Variants in VPS41 observed in about 807,000 individuals in gnomAD.
VPS41 encodes VPS41 subunit of HOPS complex.
VPS41 carries 85 observed loss-of-function variants against 130.9 expected under a neutral mutation model. That is an observed-to-expected ratio of 0.65 (90% CI 0.55 to 0.78). The LOEUF is 0.78. Ranked by LOEUF, VPS41 falls within the 30% of genes least tolerant of loss-of-function variation. The probability of loss-of-function intolerance (pLI) is 0.00; values close to 1 mark genes in which losing one functional copy is unlikely to be tolerated. For synonymous variants in VPS41, 335 were observed against 332.9 expected (o/e 1.01, Z -0.07); for missense variants, 874 against 1,018.7 (o/e 0.86, Z 1.93).
chr7:38,775,815 T>G (rs1445726394), intron 11 of VPS41: 1 of 150,982 alleles, frequency 6.6e-6, no homozygotes, highest in Non-Finnish European at 1.5e-5. Flanking sequence ...CCCATTTTAT[T>G]TCTTGCCATT....
At chr7:38,906,267 C>T (rs906038010) in intron 1 of VPS41, among the ~76,000 whole-genome samples, 1 of 151,614 alleles carries the variant, frequency 6.6e-6, no homozygotes, top group Non-Finnish European at 1.5e-5. Context: ...TACTTACTTT[C>T]TTTTAAAAAA....
intron 18 of VPS41, 108 bp from the exon 19 acceptor site, chr7:38,757,090 G>T (rs574723243): frequency 2.3e-6 from 2 of 863,436 alleles, no homozygotes; most frequent in East Asian, 2.7e-5. Context: ...CCTTTAGAGA[G>T]AAAAGTTAAC....
chr7:38,743,376 T>C lies in VPS41; in HGVS notation c.2122+26A>G, dbSNP rs1222802052. The C allele has an allele frequency of 6.2e-6, 10 of 1,613,044 alleles. No individual in the cohort carries two copies. The Admixed American group carries it at 8.3e-5, about 13-fold the overall frequency. ...GTTACACTGAGAGAAAAAAAAGTTA[T>C]AACCAGAGATGGCTTTTATGCTTAC... On this transcript the variant is annotated intron_variant, in intron 24 of 28. Coordinates refer to ENST00000310301, the MANE Select transcript of VPS41 (RefSeq NM_014396.4).
chr7:38,767,460 A>G (rs1387435708), intron 15 of VPS41, 77 bp downstream of exon 15: 4 of 950,090 alleles, frequency 4.2e-6, no homozygotes, highest in Middle Eastern at 2.2e-4. Flanking sequence ...TCAACTGCAA[A>G]GAATGGCTTA....
At chr7:38,896,751 G>A (rs1209116102) in intron 2 of VPS41, among the ~76,000 whole-genome samples, 1 of 152,144 alleles carries the variant, frequency 6.6e-6, no homozygotes, top group Non-Finnish European at 1.5e-5. Context: ...CAACCCAAAT[G>A]TAATAGATTA....
intron 9 of VPS41, among the ~76,000 whole-genome samples, chr7:38,792,706 T>TGA (rs1310648782): frequency 5.3e-5 from 8 of 152,160 alleles, no homozygotes; most frequent in Admixed American, 5.2e-4. Context: ...ATCACTTAAC[T>TGA]GACTCCACAA....
chr7:38,906,173 A>G (rs73380339), intron 1 of VPS41, among the ~76,000 whole-genome samples: 2,374 of 152,270 alleles, frequency 0.016, 57 homozygotes, highest in African/African-American at 0.052. Flanking sequence ...TCAGATTTCA[A>G]TGGCTTCCTA....
At chr7:38,831,974 T>C (rs1254570691) in intron 4 of VPS41, among the ~76,000 whole-genome samples, 1 of 152,214 alleles carries the variant, frequency 6.6e-6, no homozygotes, top group African/African-American at 2.4e-5. Context: ...TTTTCCCACG[T>C]ACCTCTATTA....
chr7:38,751,835 C>T (rs1301021770), intron 22 of VPS41, among the ~76,000 whole-genome samples: 6 of 152,216 alleles, frequency 3.9e-5, no homozygotes, highest in Admixed American at 3.9e-4. Flanking sequence ...CCCTCCCAGG[C>T]TCTTGACTCT....
intron 1 of VPS41, among the ~76,000 whole-genome samples, chr7:38,902,144 C>T (rs1317763031): frequency 2.6e-5 from 4 of 152,198 alleles, no homozygotes; most frequent in Non-Finnish European, 5.9e-5. Context: ...CATGTGGCCT[C>T]TCTAATGTAC....
At chr7:38,807,082 T>C (rs923353488) in intron 7 of VPS41, among the ~76,000 whole-genome samples, 1 of 152,254 alleles carries the variant, frequency 6.6e-6, no homozygotes, top group Admixed American at 6.5e-5. Flanking sequence ...ACTTTGGCTT[T>C]GGCTTAGGCT....
intron 4 of VPS41, among the ~76,000 whole-genome samples, chr7:38,846,663 G>A (rs1785730776): frequency 6.6e-6 from 1 of 152,180 alleles, no homozygotes; most frequent in Admixed American, 6.5e-5. Context: ...GATTACTTGG[G>A]CAGCTGTGTG....
chr7:38,789,663 C>G, intron 10 of VPS41, 138 bp downstream of exon 10: 1 of 716,550 alleles, frequency 1.4e-6, no homozygotes, highest in Admixed American at 2.4e-5. Flanking sequence ...CAGTAATTCA[C>G]AGTGGAAGAA....
chr7:38,805,929 C>G (rs1784831925), intron 7 of VPS41, among the ~76,000 whole-genome samples: 2 of 152,172 alleles, frequency 1.3e-5, no homozygotes, highest in Admixed American at 1.3e-4. Flanking sequence ...CTCAAACTGA[C>G]AGTAAATATC....
chr7:38,817,051 C>CT, intron 7 of VPS41, among the ~76,000 whole-genome samples: 1 of 152,038 alleles, frequency 6.6e-6, no homozygotes, highest in East Asian at 1.9e-4. Context: ...AGTCCAATCT[C>CT]TTATTTTTTA....
chr7:38,787,346 C>T (rs1562586525), intron 10 of VPS41, among the ~76,000 whole-genome samples: 1 of 151,976 alleles, frequency 6.6e-6, no homozygotes, highest in African/African-American at 2.4e-5. Flanking sequence ...GTACCAGAGG[C>T]TCAGGGAGTC....
chr7:38,726,955 T>C lies in VPS41; in HGVS notation c.2438A>G (p.His813Arg). The stretch of plus-strand genomic sequence containing the variant: ...CTCCTTGTGGAACATGTGCCGGCAA[T>C]GGAAGACCACCACGCTGAAGGGCTT... Reference protein sequence around the residue: ...AAKPFSVVVFHCRHMFHKECL... With the variant: ...AAKPFSVVVFRCRHMFHKECL... Residue 813 changes from histidine (H) to arginine (R), a missense_variant, in exon 28 of 29, where the codon CAT (histidine) becomes CGT (arginine). Physicochemically the swap from His to Arg is conservative, Grantham distance 29 (BLOSUM62 0). Transcript: ENST00000310301. The C allele has an allele frequency of 6.3e-7, 1 of 1,592,436 alleles. No homozygotes were observed. Among genetic ancestry groups the C allele is most frequent in the African/African-American group, 1.4e-5 (1 of 73,842 alleles).
chr7:38,755,340 C>T (rs754629389), intron 19 of VPS41, among the ~76,000 whole-genome samples: 9 of 152,154 alleles, frequency 5.9e-5, no homozygotes, highest in East Asian at 1.9e-4. Context: ...ACTTCAACCT[C>T]GACCTAGTCT....
At chr7:38,790,865 A>C (rs1486082360) in intron 9 of VPS41, among the ~76,000 whole-genome samples, 1 of 152,248 alleles carries the variant, frequency 6.6e-6, no homozygotes, top group East Asian at 1.9e-4. Flanking sequence ...TGTAAGCAAT[A>C]GTGCAATCAA....
Sources: gnomAD v4.1 joint callset for allele counts (sites outside exome capture counted in the v4.1 genomes callset) on GRCh38, gnomAD v4.1.1 for gene constraint, MANE v1.5 for transcripts, NCBI Gene and HGNC (gene_info 2026-07-23, HGNC 2026-07-21) for gene names.